GRM7: variants seen among roughly 807,000 people sequenced by gnomAD.
GRM7 encodes glutamate metabotropic receptor 7, also known as metabotropic glutamate receptor 7.
Under a neutral mutation model 84.5 loss-of-function variants are expected in GRM7, and 35 were observed. That is an observed-to-expected ratio of 0.41 (90% CI 0.32 to 0.55). The LOEUF is 0.55. Ranked by LOEUF, GRM7 falls within the 20% of genes least tolerant of loss-of-function variation. The probability of loss-of-function intolerance (pLI) is 0.19; values close to 1 mark genes in which losing one functional copy is unlikely to be tolerated. For missense variants in GRM7, 1,003 were observed against 1,194.6 expected (o/e 0.84, Z 2.36); for synonymous variants, 487 against 455.1 (o/e 1.07, Z -0.89).
chr3:6,997,530 C>T (rs772815389), intron 1 of GRM7, among the ~76,000 whole-genome samples: 2 of 152,180 alleles, frequency 1.3e-5, no homozygotes, highest in Non-Finnish European at 2.9e-5. Context: ...AACTCACTCA[C>T]TATCATGAGA....
At chr3:7,663,428 G>C (rs565545178) in intron 8 of GRM7, among the ~76,000 whole-genome samples, 2 of 152,144 alleles carry the variant, frequency 1.3e-5, no homozygotes, top group Non-Finnish European at 2.9e-5. Context: ...TTCCCAAAGA[G>C]AGCTGTCAGC....
At chr3:7,524,036 G>T (rs1340593232) in intron 7 of GRM7, among the ~76,000 whole-genome samples, 1 of 152,044 alleles carries the variant, frequency 6.6e-6, no homozygotes, top group East Asian at 1.9e-4. Flanking sequence ...GGAGGGTGCT[G>T]GATCTGAGAA....
chr3:7,445,490 G>C (rs11718573), intron 5 of GRM7, among the ~76,000 whole-genome samples: 53,824 of 152,016 alleles, frequency 0.35, 10,971 homozygotes, highest in Non-Finnish European at 0.48. Context: ...CACGTGCTGC[G>C]GGTGGTGCTG....
At chr3:7,145,268 A>G (rs940966094) in intron 1 of GRM7, among the ~76,000 whole-genome samples, 2 of 152,010 alleles carry the variant, frequency 1.3e-5, no homozygotes, top group African/African-American at 2.4e-5. Flanking sequence ...GACCTGGGAG[A>G]GTTTGTAAGC....
intron 4 of GRM7, among the ~76,000 whole-genome samples, chr3:7,364,801 T>A (rs1351310765): frequency 6.6e-6 from 1 of 151,944 alleles, no homozygotes; most frequent in African/African-American, 2.4e-5. Flanking sequence ...ATGCAAGTGC[T>A]TATAAATCGC....
intron 9 of GRM7, among the ~76,000 whole-genome samples, chr3:7,718,680 G>C (rs1701842518): frequency 6.6e-6 from 1 of 152,136 alleles, no homozygotes; most frequent in Non-Finnish European, 1.5e-5. Flanking sequence ...CTGGGGAGGA[G>C]ACTTATCCAA....
intron 2 of GRM7, among the ~76,000 whole-genome samples, chr3:7,285,977 A>G (rs1699417600): frequency 6.6e-6 from 1 of 152,160 alleles, no homozygotes; most frequent in Non-Finnish European, 1.5e-5. Context: ...ATAGCAAATC[A>G]CTTTAAATCT....
chr3:7,425,151 C>T (rs1375353718), intron 5 of GRM7, among the ~76,000 whole-genome samples: 1 of 152,174 alleles, frequency 6.6e-6, no homozygotes, highest in Admixed American at 6.5e-5. Context: ...CACCCAGGCA[C>T]ATAAGGGCTC....
intron 8 of GRM7, among the ~76,000 whole-genome samples, chr3:7,637,621 T>A (rs1698158783): frequency 6.6e-6 from 1 of 152,230 alleles, no homozygotes; most frequent in Non-Finnish European, 1.5e-5. Context: ...GAGGCACACC[T>A]GTTTGAAACA....
chr3:7,387,125 T>G (rs1694815622), intron 4 of GRM7, among the ~76,000 whole-genome samples: 2 of 152,184 alleles, frequency 1.3e-5, no homozygotes, highest in African/African-American at 4.8e-5. Flanking sequence ...AAGGTCACCA[T>G]TTAATGGTTA....
intron 4 of GRM7, among the ~76,000 whole-genome samples, chr3:7,324,657 T>C (rs1050442336): frequency 2.5e-4 from 38 of 152,306 alleles, no homozygotes; most frequent in African/African-American, 8.9e-4. Flanking sequence ...TGTTTTACTC[T>C]GAGCATTGTT....
intron 2 of GRM7, among the ~76,000 whole-genome samples, chr3:7,154,080 ATTGCT>A (rs1432173338): frequency 6.6e-6 from 1 of 152,206 alleles, no homozygotes; most frequent in East Asian, 1.9e-4. Context: ...GAGAAATACT[ATTGCT>A]TTGAAAACTT....
intron 1 of GRM7, among the ~76,000 whole-genome samples, chr3:6,887,814 C>G (rs555258226): frequency 6.6e-6 from 1 of 152,318 alleles, no homozygotes; most frequent in South Asian, 2.1e-4. Flanking sequence ...ACACTGTCTT[C>G]CACAATGGTT....
At chr3:6,876,037 G>A (rs1017424796) in intron 1 of GRM7, among the ~76,000 whole-genome samples, 5 of 152,130 alleles carry the variant, frequency 3.3e-5, no homozygotes, top group Non-Finnish European at 7.3e-5. Flanking sequence ...GGAAGCCAAG[G>A]CAGGTGGATC....
chr3:7,336,100 AC>A (rs139086814), intron 4 of GRM7, among the ~76,000 whole-genome samples: 29,252 of 151,318 alleles, frequency 0.19, 2,962 homozygotes, highest in South Asian at 0.32. Flanking sequence ...ACAAAAAAAA[AC>A]ACAGACCAAT....
chr3:7,319,609 T>C (rs1700701229), intron 4 of GRM7, among the ~76,000 whole-genome samples: 1 of 152,062 alleles, frequency 6.6e-6, no homozygotes, highest in Admixed American at 6.6e-5. Flanking sequence ...GTCTACAGTA[T>C]GGCAAAAGAG....
chr3:6,923,465 A>C (rs1010210318), intron 1 of GRM7, among the ~76,000 whole-genome samples: 2 of 152,242 alleles, frequency 1.3e-5, no homozygotes, highest in Non-Finnish European at 2.9e-5. Context: ...CAAGAAAAAA[A>C]TGTCCTTTTA....
chr3:6,877,183 C>T (rs1695339312), intron 1 of GRM7, among the ~76,000 whole-genome samples: 1 of 152,198 alleles, frequency 6.6e-6, no homozygotes, highest in African/African-American at 2.4e-5. Flanking sequence ...TAGTGAGCTT[C>T]TCTTTTTTAA....
chr3:7,113,956 G>T (rs1692945399), intron 1 of GRM7, among the ~76,000 whole-genome samples: 1 of 152,300 alleles, frequency 6.6e-6, no homozygotes, highest in African/African-American at 2.4e-5. Context: ...AGTTTTCAAA[G>T]ATGACACGGG....
Sources: allele counts gnomAD v4.1 joint callset (sites outside exome capture counted in the v4.1 genomes callset), GRCh38; gene constraint gnomAD v4.1.1; transcripts MANE v1.5; gene names NCBI Gene and HGNC (gene_info 2026-07-23, HGNC 2026-07-21).